The following ACO2 variants were observed in gnomAD, a reference collection of about 807,000 sequenced individuals.
The protein encoded by ACO2 is aconitase 2.
In ACO2, 31 loss-of-function variants were observed where a neutral mutation model predicts 84.5. That is an observed-to-expected ratio of 0.37 (90% confidence interval 0.28 to 0.50). The LOEUF (loss-of-function observed/expected upper bound fraction) is 0.50. Ranked by LOEUF, ACO2 falls within the 20% of genes least tolerant of loss-of-function variation. The pLI is 0.97. For missense variants in ACO2, 685 were observed against 1,029.3 expected, an observed-to-expected ratio of 0.67 and a Z score of 4.58; for synonymous variants, 414 against 412.7, an observed-to-expected ratio of 1.00 and a Z score of -0.04.
intron 9 of ACO2, chr22:41,521,293 A>G (rs2066524890): frequency 6.6e-6 from 1 of 152,258 alleles, no homozygotes; most frequent in African/African-American, 2.4e-5. Context: ...TGCTTTACAC[A>G]TGCAGACGCC....
At chr22:41,512,036 G>A in intron 4 of ACO2, 68 bp downstream of exon 4, 4 of 1,352,024 alleles carry the variant, frequency 3.0e-6, no homozygotes, top group South Asian at 1.4e-5. Flanking sequence ...GCCTATGGGG[G>A]GAGGGGGTTT....
chr22:41,477,378 C>G (rs1291454212), intron 1 of ACO2, among the ~76,000 whole-genome samples: 2 of 151,344 alleles, frequency 1.3e-5, no homozygotes, highest in Non-Finnish European at 2.9e-5. Flanking sequence ...CCAGGATGGT[C>G]TCAATCTCCT....
chr22:41,508,368 G>C (rs2066409839), intron 3 of ACO2, among the ~76,000 whole-genome samples: 1 of 152,190 alleles, frequency 6.6e-6, no homozygotes, highest in Non-Finnish European at 1.5e-5. Context: ...CTCCCTGTCT[G>C]CCTGAGCAGT....
At chr22:41,494,617 G>T (rs1277439137) in intron 1 of ACO2, among the ~76,000 whole-genome samples, 2 of 151,824 alleles carry the variant, frequency 1.3e-5, no homozygotes, top group Non-Finnish European at 2.9e-5. Flanking sequence ...CACCACGTTG[G>T]TCAGGCTGGT....
chr22:41,526,353 T>C lies in ACO2; in HGVS notation c.1853T>C (p.Leu618Pro). 1 of 1,613,568 alleles carries C rather than the reference T, an allele frequency of 6.2e-7. No individual in the cohort carries two copies. The highest frequency in any genetic ancestry group is 8.5e-7 in the Non-Finnish European group (1 of 1,180,030). The change falls in exon 15 of 18, where the codon CTC becomes CCC. Residue 618 changes from leucine to proline, a missense_variant. This residue lies in a region of ACO2 where 174 missense variants were observed against 236.6 expected (regional missense o/e 0.74). Coordinates refer to ENST00000216254, the MANE Select transcript of ACO2 (RefSeq NM_001098.3). ...GHLDNISNNL[L>P]IGAINIENGK... ...TTGGATAACATCTCCAACAACCTGC[T>C]CATTGGTGCCATCAACATTGAAAAC...
At chr22:41,498,532 G>A (rs897048710) in intron 1 of ACO2, among the ~76,000 whole-genome samples, 3 of 152,162 alleles carry the variant, frequency 2.0e-5, no homozygotes, top group East Asian at 1.9e-4. Context: ...GCCATCTGAC[G>A]GGTTGAACCG....
At chr22:41,527,673 T>C (rs752208552) in intron 16 of ACO2, 15 of 797,172 alleles carry the variant, frequency 1.9e-5, no homozygotes, top group Middle Eastern at 6.4e-4. Context: ...GGGGGTTCTT[T>C]CTGATCATGA....
At chr22:41,520,568 G>T (rs2066516016) in intron 9 of ACO2, among the ~76,000 whole-genome samples, 1 of 151,638 alleles carries the variant, frequency 6.6e-6, no homozygotes, top group Non-Finnish European at 1.5e-5. Flanking sequence ...ATTGGCCAGG[G>T]GCAGTGGCTC....
At chr22:41,491,050 G>A (rs900815913) in intron 1 of ACO2, among the ~76,000 whole-genome samples, 6 of 151,978 alleles carry the variant, frequency 3.9e-5, no homozygotes, top group Non-Finnish European at 5.9e-5. Context: ...CTGGGGATTC[G>A]GAGAAGGATT....
At chr22:41,479,464 A>G (rs1038162886) in intron 1 of ACO2, among the ~76,000 whole-genome samples, 12 of 152,244 alleles carry the variant, frequency 7.9e-5, no homozygotes, top group African/African-American at 2.9e-4. Context: ...CTGAGGTCAC[A>G]GCTAGCACAT....
At chr22:41,487,973 A>AT (rs2066243024) in intron 1 of ACO2, among the ~76,000 whole-genome samples, 1 of 152,170 alleles carries the variant, frequency 6.6e-6, no homozygotes. Flanking sequence ...TACCTTCAAA[A>AT]TATATGCATC....
intron 2 of ACO2, among the ~76,000 whole-genome samples, chr22:41,505,540 G>A (rs527569710): frequency 7.2e-5 from 11 of 152,280 alleles, no homozygotes; most frequent in Admixed American, 7.2e-4. Context: ...GAGCACAGCC[G>A]TAGGGCCACA....
In ACO2 at chr22:41,528,401, C is replaced by G. The variant is rs73887737; in HGVS notation, c.2209-78C>G. On this transcript the variant is annotated intron_variant, in intron 17 of 17. Transcript: ENST00000216254. ...ACCTCTTAGGTCCCCAGGCAGTGCC[C>G]TGTCTCCCTGACCCCCCTGCGGGGC... 3,419 of 1,562,828 alleles carry G rather than the reference C, an allele frequency of 2.2e-3. 60 individuals are homozygous for G. The African/African-American group carries it at 0.042, about 19-fold the overall frequency.
At chr22:41,476,271 G>A (rs1229005873) in intron 1 of ACO2, among the ~76,000 whole-genome samples, 1 of 151,630 alleles carries the variant, frequency 6.6e-6, no homozygotes, top group Non-Finnish European at 1.5e-5. Flanking sequence ...GTCAGGTGTG[G>A]TGGCGCATGC....
At chr22:41,478,175 G>A (rs1030522353) in intron 1 of ACO2, among the ~76,000 whole-genome samples, 8 of 152,072 alleles carry the variant, frequency 5.3e-5, no homozygotes, top group East Asian at 1.9e-4. Flanking sequence ...ATAGAGTCTC[G>A]CTCTGTTGCT....
chr22:41,511,917 T>G lies in ACO2; in HGVS notation c.474T>G (p.Gly158=). ...QEVYNFLATA[G]AKYGVGFWKP... The stretch of plus-strand genomic sequence containing the variant: ...TTTATAATTTCCTGGCAACTGCAGG[T>G]GCCAAATATGGCGTGGGCTTCTGGA... Residue 158 remains glycine, a synonymous_variant, in exon 4 of 18, where the codon GGT becomes GGG. Coordinates refer to ENST00000216254, the MANE Select transcript of ACO2 (RefSeq NM_001098.3). The G allele has an allele frequency of 6.2e-7, 1 of 1,611,564 alleles. No individual in the cohort carries two copies. The highest frequency in any genetic ancestry group is 8.5e-7 in the Non-Finnish European group (1 of 1,179,170).
At chr22:41,502,250 A>C (rs1011776641) in intron 2 of ACO2, among the ~76,000 whole-genome samples, 5 of 152,162 alleles carry the variant, frequency 3.3e-5, no homozygotes, top group Non-Finnish European at 7.4e-5. Context: ...ATTGCTATTC[A>C]AAATGTGGTC....
At chr22:41,470,731 CG>C (rs1043007957) in intron 1 of ACO2, among the ~76,000 whole-genome samples, 12 of 151,858 alleles carry the variant, frequency 7.9e-5, no homozygotes, top group African/African-American at 2.4e-4. Flanking sequence ...TTAGTAGAGA[CG>C]GGGTTTCACC....
At chr22:41,512,160 G>T in intron 4 of ACO2, 192 bp downstream of exon 4, 1 of 506,074 alleles carries the variant, frequency 2.0e-6, no homozygotes, top group Non-Finnish European at 3.5e-6. Flanking sequence ...CATTTTCTGG[G>T]TGAGAAGTTA....
Sources: gnomAD v4.1 joint callset for allele counts (sites outside exome capture counted in the v4.1 genomes callset) on GRCh38, gnomAD v4.1.1 for gene constraint, gnomAD v4.1.1 regional missense constraint, MANE v1.5 for transcripts, NCBI Gene and HGNC (gene_info 2026-07-23, HGNC 2026-07-21) for gene names.